EFR3A: variants seen among roughly 807,000 people sequenced by gnomAD.
EFR3A encodes the protein protein EFR3 homolog A.
EFR3A carries 76 observed loss-of-function variants against 104.4 expected under a neutral mutation model. The observed-to-expected ratio is 0.73, with a 90% CI of 0.60 to 0.88. EFR3A has a LOEUF of 0.88. EFR3A is among the 40% of genes least tolerant of loss of function. EFR3A has a pLI of 0.00. For synonymous variants in EFR3A, 330 were observed against 330.0 expected (o/e 1.00, Z 0.00); for missense variants, 985 against 1,012.5 (o/e 0.97, Z 0.37).
intron 13 of EFR3A, 130 bp from the exon 14 acceptor site, chr8:131,979,216 G>A: frequency 9.5e-6 from 9 of 948,796 alleles, no homozygotes; most frequent in Non-Finnish European, 1.4e-5. Context: ...GTACTCTTCA[G>A]AAGCAATTCA....
chr8:131,931,346 G>A (rs978657052), intron 1 of EFR3A, among the ~76,000 whole-genome samples: 2 of 152,068 alleles, frequency 1.3e-5, no homozygotes, highest in Admixed American at 1.3e-4. Flanking sequence ...TTTTGTTAGG[G>A]AGTTAGAAGT....
intron 1 of EFR3A, among the ~76,000 whole-genome samples, chr8:131,934,226 A>AT (rs1817760371): frequency 6.6e-6 from 1 of 151,990 alleles, no homozygotes; most frequent in Admixed American, 6.6e-5. Flanking sequence ...TAGAATATGC[A>AT]TTTTGTTTTT....
intron 1 of EFR3A, among the ~76,000 whole-genome samples, chr8:131,925,362 G>C (rs1817245967): frequency 6.6e-6 from 1 of 152,106 alleles, no homozygotes; most frequent in East Asian, 1.9e-4. Context: ...TTCAACAGCA[G>C]TTCATTTTTG....
intron 1 of EFR3A, chr8:131,935,460 G>T (rs1486842743): frequency 2.3e-6 from 1 of 442,294 alleles, no homozygotes; most frequent in African/African-American, 2.0e-5. Flanking sequence ...TATAATGAGG[G>T]CATGAAGGAC....
At chr8:131,925,390 G>A (rs1025844808) in intron 1 of EFR3A, among the ~76,000 whole-genome samples, 1 of 151,950 alleles carries the variant, frequency 6.6e-6, no homozygotes, top group Non-Finnish European at 1.5e-5. Flanking sequence ...TGTGAAGTGG[G>A]GCAAAACGTC....
At chr8:131,968,561 T>C in intron 9 of EFR3A, 131 bp downstream of exon 9, 3 of 1,002,924 alleles carry the variant, frequency 3.0e-6, no homozygotes, top group Non-Finnish European at 4.2e-6. Context: ...TAATTTTTTT[T>C]GAAATTTGGG....
At chr8:131,943,555 CT>C (rs1818268793) in intron 2 of EFR3A, among the ~76,000 whole-genome samples, 8 of 152,152 alleles carry the variant, frequency 5.3e-5, no homozygotes, top group Admixed American at 3.9e-4. Flanking sequence ...GACAGGAAAA[CT>C]AGATTGCTTC....
chr8:131,940,222 A>G (rs928106079), intron 1 of EFR3A: 2 of 364,950 alleles, frequency 5.5e-6, no homozygotes, highest in East Asian at 5.1e-5. Context: ...GAAAGGAGGT[A>G]AAGGGGGCAC....
chr8:131,948,844 T>C lies in EFR3A; in HGVS notation c.367-1125T>C, dbSNP rs904543949. 4.6e-5 allele frequency among the ~76,000 whole-genome samples: 7 copies of C among 152,278 alleles called. No homozygotes were observed. In the East Asian group the frequency reaches 1.4e-3, roughly 29 times the overall value. ...TTTCTTAGTGGTGCTGAGTGCCTTA[T>C]GTTGTCAAACATGACCAGTGCTAAT... On this transcript the variant is annotated intron_variant, in intron 4 of 22. Transcript: ENST00000254624.
intron 11 of EFR3A, 132 bp from the exon 12 acceptor site, chr8:131,976,909 C>A: frequency 1.8e-6 from 1 of 557,312 alleles, no homozygotes; most frequent in Non-Finnish European, 2.9e-6. Flanking sequence ...GTGAAGTGAG[C>A]CATGACTTAA....
chr8:131,976,139 AG>A lies in EFR3A; in HGVS notation c.1274+1del. Reference protein sequence around the residue: ...STHTLDISQLGDLGTRRIQIM... With the variant: ...STHTLDISQLXDLGTRRIQIM... ...CCCATACTTTGGATATCAGTCAACT[AG>A]GGTATGTTCTCAGACTGTAAATTTG... On this transcript the variant is annotated frameshift_variant and splice_region_variant, in exon 11 of 23. Transcript: ENST00000254624. LOFTEE classifies it high-confidence loss of function. The A allele has an allele frequency of 6.5e-7, 1 of 1,546,434 alleles. No homozygotes were observed. Among genetic ancestry groups the A allele is most frequent in the Admixed American group, 1.8e-5 (1 of 56,748 alleles).
In EFR3A at chr8:131,940,571, C is replaced by T. The variant is rs139437218; in HGVS notation, c.83C>T (p.Pro28Leu). ...GTGGACAACATATTCCCTGAAGATC[C>T]AAAAGTAATTTGATCTACATCTACT... The part of the protein sequence containing the change: ...RLVDNIFPED[P>L]KDGLVKTDME... Residue 28 changes from proline (P) to leucine (L), a missense_variant, in exon 2 of 23, where the codon CCA (proline) becomes CTA (leucine). Coordinates refer to ENST00000254624, the MANE Select transcript of EFR3A (RefSeq NM_015137.6). 214 of 1,606,280 alleles carry T rather than the reference C, an allele frequency of 1.3e-4. No homozygotes were observed. In the African/African-American group the frequency reaches 2.6e-3, roughly 20 times the overall value.
In EFR3A at chr8:131,970,230, G is replaced by A. The variant is rs184080993; in HGVS notation, c.992-246G>A. On this transcript the variant is annotated intron_variant, in intron 9 of 22. Coordinates refer to ENST00000254624, the MANE Select transcript of EFR3A (RefSeq NM_015137.6). ...ATATGCCTATACACATTTTTTAAGG[G>A]TGGAACCAGAGATTCAAACGGTGAG... is the stretch of plus-strand genomic sequence containing the variant. Among the ~76,000 whole-genome samples, 6 of 152,238 alleles carry A rather than the reference G, an allele frequency of 3.9e-5. No individual in the cohort carries two copies. The East Asian group carries it at 1.2e-3, about 29-fold the overall frequency.
Position 131,968,408 on chromosome 8 carries a change from C to T in EFR3A, c.969C>T (p.Ala323=). 6.2e-7 allele frequency: 1 copy of T among 1,613,540 alleles called. No individual in the cohort carries two copies. Among genetic ancestry groups the T allele is most frequent in the South Asian group, 1.1e-5 (1 of 91,060 alleles). Residue 323 remains alanine (A), a synonymous_variant, in exon 9 of 23, where the codon GCC becomes GCT. Transcript: ENST00000254624. ...GIIQVLLEAV[A]IAAKGSIGPT... ...TTCAGGTTCTGTTAGAGGCTGTTGC[C>T]ATTGCTGCTAAAGGTTCCATAGGTG...
chr8:131,941,205 C>A (rs1818156047), intron 2 of EFR3A, among the ~76,000 whole-genome samples: 1 of 151,952 alleles, frequency 6.6e-6, no homozygotes. Flanking sequence ...TACTTAAATA[C>A]TATTTAATTT....
chr8:131,959,696 A>G lies in EFR3A; in HGVS notation c.855+33A>G, dbSNP rs111751712. 2.8e-3 allele frequency: 4,238 copies of G among 1,533,444 alleles called. 81 individuals are homozygous for G. In the African/African-American group the frequency reaches 0.048, roughly 18 times the overall value. The allele number at this position is 1,533,444 out of a possible 1,614,324, so 95.0% of individuals were successfully genotyped here. A position where few individuals can be genotyped will look rare whatever the true frequency, so the allele number is the denominator to read the frequency against. ...TTGATTAACTATTTACTGTATTTAT[A>G]TAAGTAATTTTGGTTCTCTATGGAT... On this transcript the variant is annotated intron_variant, in intron 8 of 22. Coordinates refer to ENST00000254624, the MANE Select transcript of EFR3A (RefSeq NM_015137.6).
At chr8:131,956,508 A>G (rs1199276591) in intron 7 of EFR3A, among the ~76,000 whole-genome samples, 1 of 152,186 alleles carries the variant, frequency 6.6e-6, no homozygotes, top group Non-Finnish European at 1.5e-5. Flanking sequence ...TCACCAGATG[A>G]TAGATCTACT....
chr8:132,001,762 A>G lies in EFR3A; in HGVS notation c.2161A>G (p.Ser721Gly), dbSNP rs375266381. 59 of 1,613,148 alleles carry G rather than the reference A, an allele frequency of 3.7e-5. No homozygotes were observed. The highest frequency in any genetic ancestry group is 4.7e-5 in the Non-Finnish European group (55 of 1,179,266). Reference protein sequence around the residue: ...SNNVPSDDVVSNTEEITFEAL... With the variant: ...SNNVPSDDVVGNTEEITFEAL... ...TTCACTTATCACTTTTCTCTAGGTT[A>G]GTAACACTGAAGAAATCACTTTTGA... is the stretch of plus-strand genomic sequence containing the variant. The change falls in exon 20 of 23, where the codon AGT (serine) becomes GGT (glycine). Residue 721 changes from serine (S) to glycine (G), a missense_variant. Coordinates refer to ENST00000254624, the MANE Select transcript of EFR3A (RefSeq NM_015137.6).
rs778068671 is a variant in EFR3A, at chr8:131,984,163, A to G, written c.1600A>G (p.Ile534Val). ...KKNGQQLYRH[I>V]YLGCKEEDNV... ...GAATGGGCAACAGCTGTATCGGCAC[A>G]TATATTTGGGTTGTAAAGAGGAAGA... The change falls in exon 15 of 23, where the codon ATA (isoleucine) becomes GTA (valine). Residue 534 changes from isoleucine (I) to valine (V), a missense_variant. Coordinates refer to ENST00000254624, the MANE Select transcript of EFR3A (RefSeq NM_015137.6). 5.6e-6 allele frequency: 9 copies of G among 1,610,350 alleles called. No individual in the cohort carries two copies. The African/African-American group carries it at 1.1e-4, about 19-fold the overall frequency.
Sources: allele counts gnomAD v4.1 joint callset (sites outside exome capture counted in the v4.1 genomes callset), GRCh38; gene constraint gnomAD v4.1.1; transcripts MANE v1.5; gene names NCBI Gene and HGNC (gene_info 2026-07-23, HGNC 2026-07-21).